Variants in CNTN3 observed in about 807,000 individuals in gnomAD.
The protein encoded by CNTN3 is contactin-3.
In CNTN3, 60 loss-of-function variants were observed where a neutral mutation model predicts 119.1. The observed-to-expected ratio is 0.50, with a 90% confidence interval of 0.41 to 0.62. The LOEUF (loss-of-function observed/expected upper bound fraction) is 0.62. Among genes scored for constraint, CNTN3 ranks in the 20% least tolerant of loss-of-function variants. The pLI is 0.00. For missense variants in CNTN3, 1,101 were observed against 1,242.4 expected (o/e 0.89, Z 1.71); for synonymous variants, 450 against 438.7 (o/e 1.03, Z -0.32).
chr3:74,583,974 C>G (rs1704555334), intron 1 of CNTN3, among the ~76,000 whole-genome samples: 10 of 152,130 alleles, frequency 6.6e-5, no homozygotes, highest in Admixed American at 6.6e-4. Context: ...AACCAAGGAA[C>G]TAATTCTCTC....
intron 4 of CNTN3, among the ~76,000 whole-genome samples, chr3:74,452,968 T>C (rs1393166500): frequency 2.0e-5 from 3 of 151,472 alleles, no homozygotes; most frequent in Non-Finnish European, 4.4e-5. Context: ...GATATTGGTC[T>C]AAAATTCTCT....
At chr3:74,557,422 T>A (rs1223854415) in intron 1 of CNTN3, among the ~76,000 whole-genome samples, 1 of 152,148 alleles carries the variant, frequency 6.6e-6, no homozygotes, top group Non-Finnish European at 1.5e-5. Context: ...AGAGGCCTTC[T>A]TGCATGGATG....
At chr3:74,401,883 G>GT (rs1305327172) in intron 5 of CNTN3, among the ~76,000 whole-genome samples, 1 of 152,084 alleles carries the variant, frequency 6.6e-6, no homozygotes, top group Non-Finnish European at 1.5e-5. Context: ...CCCAACCTTT[G>GT]TATCTGTAAT....
At chr3:74,496,488 C>G (rs1703065912) in intron 3 of CNTN3, among the ~76,000 whole-genome samples, 1 of 151,968 alleles carries the variant, frequency 6.6e-6, no homozygotes, top group Non-Finnish European at 1.5e-5. Flanking sequence ...CTTCCTCTTT[C>G]AAAGTTGTTA....
Position 74,371,238 on chromosome 3 carries a change from G to C in CNTN3, c.616C>G (p.Arg206Gly), listed in dbSNP as rs1451001174. ...AAAGGAGTTGGAGAGCCCAGCACTC[G>C]GGCATTTGTCACCATACTTGTCACC... ...CVVTSMVTNA[R>G]VLGSPTPLVL... is the part of the protein sequence containing the mutation. The change falls in exon 6 of 23, where the codon CGA (arginine) becomes GGA (glycine). Residue 206 changes from arginine (R) to glycine (G), a missense_variant. Arg to Gly is a moderately radical substitution (Grantham distance 125, BLOSUM62 -2). Transcript: ENST00000263665. 1 of 1,613,344 alleles carries C rather than the reference G, an allele frequency of 6.2e-7. No individual in the cohort carries two copies. Among genetic ancestry groups the C allele is most frequent in the East Asian group, 2.2e-5 (1 of 44,824 alleles).
At chr3:74,290,752 C>T (rs1432289519) in intron 19 of CNTN3, among the ~76,000 whole-genome samples, 1 of 151,918 alleles carries the variant, frequency 6.6e-6, no homozygotes, top group South Asian at 2.1e-4. Flanking sequence ...AGTGCAGTGG[C>T]GTGATCTCGG....
At chr3:74,366,339 T>C (rs779357366) in intron 8 of CNTN3, among the ~76,000 whole-genome samples, 7 of 152,146 alleles carry the variant, frequency 4.6e-5, no homozygotes, top group African/African-American at 1.4e-4. Context: ...CTTTAAATTA[T>C]GTATGCAAAT....
chr3:74,365,826 G>C, intron 8 of CNTN3, 124 bp from the exon 9 acceptor site: 1 of 1,081,954 alleles, frequency 9.2e-7, no homozygotes, highest in East Asian at 2.6e-5. Context: ...ACAGATTGAA[G>C]TGAGAACAGA....
intron 5 of CNTN3, among the ~76,000 whole-genome samples, chr3:74,394,566 T>C (rs1704998543): frequency 1.3e-5 from 2 of 152,060 alleles, no homozygotes; most frequent in African/African-American, 2.4e-5. Context: ...AAATTTTCCA[T>C]GAAAAGAAAG....
At chr3:74,608,322 T>C (rs1457133055) in intron 1 of CNTN3, among the ~76,000 whole-genome samples, 1 of 152,192 alleles carries the variant, frequency 6.6e-6, no homozygotes, top group African/African-American at 2.4e-5. Flanking sequence ...GTTTAATGCC[T>C]ACAAAATTTC....
intron 1 of CNTN3, among the ~76,000 whole-genome samples, chr3:74,566,659 A>C (rs563128038): frequency 6.6e-6 from 1 of 152,230 alleles, no homozygotes; most frequent in East Asian, 1.9e-4. Context: ...GGTGTAGGGC[A>C]CACCCTAATC....
intron 1 of CNTN3, among the ~76,000 whole-genome samples, chr3:74,573,763 G>A (rs993521851): frequency 1.1e-4 from 16 of 148,890 alleles, no homozygotes; most frequent in African/African-American, 2.0e-4. Context: ...AGTGATAGCC[G>A]TAATTAAAAA....
At chr3:74,443,928 A>T (rs1298109094) in intron 4 of CNTN3, among the ~76,000 whole-genome samples, 1 of 152,164 alleles carries the variant, frequency 6.6e-6, no homozygotes, top group Non-Finnish European at 1.5e-5. Context: ...TTGTCTCACA[A>T]TTCTGGAGGC....
intron 20 of CNTN3, among the ~76,000 whole-genome samples, chr3:74,280,698 A>C (rs1465459830): frequency 2.6e-5 from 4 of 152,214 alleles, no homozygotes; most frequent in Non-Finnish European, 5.9e-5. Flanking sequence ...GTGATTACTT[A>C]AGCACTGGAG....
At chr3:74,590,229 G>C (rs1056985194) in intron 1 of CNTN3, among the ~76,000 whole-genome samples, 5 of 152,058 alleles carry the variant, frequency 3.3e-5, no homozygotes, top group Non-Finnish European at 5.9e-5. Flanking sequence ...TTGGAAGGGA[G>C]TGGAGGATAG....
At chr3:74,448,539 C>A (rs1406217147) in intron 4 of CNTN3, among the ~76,000 whole-genome samples, 1 of 152,090 alleles carries the variant, frequency 6.6e-6, no homozygotes, top group African/African-American at 2.4e-5. Flanking sequence ...GCTCTAAAGA[C>A]AGAATGACAC....
intron 4 of CNTN3, among the ~76,000 whole-genome samples, chr3:74,452,422 C>T (rs752192147): frequency 0.061 from 8,764 of 143,006 alleles, 383 homozygotes; most frequent in South Asian, 0.14. Context: ...TGGGCTGAGA[C>T]GATGGGGTTT....
At chr3:74,486,405 G>A in intron 4 of CNTN3, 51 bp downstream of exon 4, 2 of 1,492,938 alleles carry the variant, frequency 1.3e-6, no homozygotes, top group Middle Eastern at 1.8e-4. Flanking sequence ...CACAAATTAA[G>A]TTACATATTT....
chr3:74,435,548 T>C (rs1701852332), intron 4 of CNTN3, among the ~76,000 whole-genome samples: 1 of 150,050 alleles, frequency 6.7e-6, no homozygotes, highest in Admixed American at 6.6e-5. Flanking sequence ...GTTTGGCTTT[T>C]ACACCTTAGA....
Sources: allele counts gnomAD v4.1 joint callset (sites outside exome capture counted in the v4.1 genomes callset), GRCh38; gene constraint gnomAD v4.1.1; transcripts MANE v1.5; gene names NCBI Gene and HGNC (gene_info 2026-07-23, HGNC 2026-07-21).